HS3ST4: variants seen among roughly 807,000 people sequenced by gnomAD.
HS3ST4 encodes heparan sulfate glucosamine 3-O-sulfotransferase 4.
A neutral mutation model predicts 29.2 loss-of-function variants in HS3ST4; 17 were observed. The observed-to-expected ratio is 0.58, with a 90% CI of 0.40 to 0.87. The LOEUF (loss-of-function observed/expected upper bound fraction) is 0.87, where lower values mean the gene tolerates loss of function less well. HS3ST4 is among the 40% of genes least tolerant of loss of function. The pLI is 0.00. For missense variants in HS3ST4, 627 were observed against 634.5 expected (o/e 0.99, Z 0.13); for synonymous variants, 314 against 285.7 (o/e 1.10, Z -1.00).
intron 1 of HS3ST4, among the ~76,000 whole-genome samples, chr16:25,835,838 A>G (rs1967350863): frequency 1.3e-5 from 2 of 152,176 alleles, no homozygotes; most frequent in African/African-American, 2.4e-5. Flanking sequence ...TGTTTTAACC[A>G]TCTCTATAAA....
intron 1 of HS3ST4, among the ~76,000 whole-genome samples, chr16:25,837,353 G>C (rs866231742): frequency 3.9e-5 from 6 of 152,170 alleles, no homozygotes; most frequent in African/African-American, 1.2e-4. Context: ...GACTCAGGGG[G>C]AAGTGTTTTT....
intron 1 of HS3ST4, among the ~76,000 whole-genome samples, chr16:26,048,010 C>T (rs906335258): frequency 4.6e-5 from 7 of 152,154 alleles, no homozygotes; most frequent in African/African-American, 1.7e-4. Flanking sequence ...GGCAGCACTG[C>T]AGAGCCTGGA....
chr16:25,795,863 T>G (rs1434649947), intron 1 of HS3ST4, among the ~76,000 whole-genome samples: 2 of 152,196 alleles, frequency 1.3e-5, no homozygotes, highest in African/African-American at 2.4e-5. Context: ...TTAGGCCTTG[T>G]GATATTTCCT....
intron 1 of HS3ST4, among the ~76,000 whole-genome samples, chr16:26,033,522 A>C (rs1345158397): frequency 1.3e-5 from 2 of 151,710 alleles, no homozygotes; most frequent in Non-Finnish European, 2.9e-5. Flanking sequence ...CTCAAAAAAA[A>C]AAAAAAAAGG....
At chr16:25,957,289 G>A (rs1356509507) in intron 1 of HS3ST4, among the ~76,000 whole-genome samples, 1 of 152,164 alleles carries the variant, frequency 6.6e-6, no homozygotes, top group East Asian at 1.9e-4. Context: ...CCTCTTCTCT[G>A]GCAAAGGCCT....
chr16:25,838,395 CAT>C (rs1185171254), intron 1 of HS3ST4, among the ~76,000 whole-genome samples: 2 of 152,178 alleles, frequency 1.3e-5, no homozygotes, highest in East Asian at 3.9e-4. Context: ...ATTTGTCAGA[CAT>C]ATGTGGCTGG....
chr16:25,777,811 T>C (rs1295342675), intron 1 of HS3ST4, among the ~76,000 whole-genome samples: 7 of 152,018 alleles, frequency 4.6e-5, no homozygotes, highest in Admixed American at 1.3e-4. Context: ...AAAAGAAATA[T>C]GTTGTACTGA....
intron 1 of HS3ST4, among the ~76,000 whole-genome samples, chr16:25,776,356 T>G (rs1966847523): frequency 6.6e-6 from 1 of 152,194 alleles, no homozygotes. Flanking sequence ...TAAATGGATA[T>G]CTGATTGCCT....
chr16:25,923,343 T>C (rs11639660), intron 1 of HS3ST4, among the ~76,000 whole-genome samples: 43,791 of 152,140 alleles, frequency 0.29, 7,483 homozygotes, highest in Non-Finnish European at 0.4. Flanking sequence ...TCAGCCAAGA[T>C]TGCCTTATTC....
At chr16:26,057,915 G>C (rs1898429020) in intron 1 of HS3ST4, among the ~76,000 whole-genome samples, 1 of 152,102 alleles carries the variant, frequency 6.6e-6, no homozygotes. Flanking sequence ...TGTATTACGG[G>C]AGTTTCAGGA....
At chr16:26,018,690 A>T (rs1969383424) in intron 1 of HS3ST4, among the ~76,000 whole-genome samples, 1 of 152,170 alleles carries the variant, frequency 6.6e-6, no homozygotes, top group African/African-American at 2.4e-5. Context: ...TACACCAAGG[A>T]TCACAAGCAG....
intron 1 of HS3ST4, among the ~76,000 whole-genome samples, chr16:26,128,856 G>A (rs1405161389): frequency 6.6e-6 from 1 of 151,512 alleles, no homozygotes; most frequent in Non-Finnish European, 1.5e-5. Flanking sequence ...TTTCTTCTGT[G>A]CAGGGGAACT....
chr16:25,854,722 G>A (rs912591904), intron 1 of HS3ST4, among the ~76,000 whole-genome samples: 44 of 150,736 alleles, frequency 2.9e-4, no homozygotes, highest in African/African-American at 9.8e-4. Context: ...GGCTCTTTCC[G>A]TTATAATCCA....
rs186093843 is a variant in HS3ST4 at position 25,707,971 on chromosome 16, A to G, written c.734+14820A>G. ...TTGGAAAATGCTGGTGAACAGTGTC[A>G]TCATTGACATATGCCTGTATTCCAT... On this transcript the variant is annotated intron_variant, in intron 1 of 1. Coordinates refer to ENST00000331351, the MANE Select transcript of HS3ST4 (RefSeq NM_006040.3). Among the ~76,000 whole-genome samples the G allele has an allele frequency of 3.0e-3, 456 of 152,342 alleles. 4 individuals carry two copies. The highest frequency in any genetic ancestry group is 0.01 in the African/African-American group (432 of 41,578).
chr16:25,783,081 T>A (rs578172822), intron 1 of HS3ST4, among the ~76,000 whole-genome samples: 2 of 152,352 alleles, frequency 1.3e-5, no homozygotes, highest in East Asian at 1.9e-4. Flanking sequence ...ATGTAGCCAA[T>A]CTGCCTGGCT....
At chr16:25,909,591 C>T (rs534171482) in intron 1 of HS3ST4, among the ~76,000 whole-genome samples, 2 of 150,662 alleles carry the variant, frequency 1.3e-5, no homozygotes, top group African/African-American at 4.9e-5. Context: ...GGGAACATAG[C>T]CTGCCATCTA....
At chr16:26,129,090 T>C (rs1287961726) in intron 1 of HS3ST4, among the ~76,000 whole-genome samples, 5 of 152,188 alleles carry the variant, frequency 3.3e-5, no homozygotes, top group Non-Finnish European at 5.9e-5. Flanking sequence ...GGGTGATTGC[T>C]TTCTCCTTCG....
At chr16:25,780,679 T>C (rs923914181) in intron 1 of HS3ST4, among the ~76,000 whole-genome samples, 1 of 152,168 alleles carries the variant, frequency 6.6e-6, no homozygotes, top group Non-Finnish European at 1.5e-5. Context: ...ATCTGTTGTG[T>C]TGGTAAATTG....
intron 1 of HS3ST4, among the ~76,000 whole-genome samples, chr16:26,060,094 A>G (rs1297858512): frequency 6.6e-6 from 1 of 152,018 alleles, no homozygotes; most frequent in East Asian, 1.9e-4. Flanking sequence ...TATTATTTTT[A>G]CTTGTGATTG....
Sources: allele counts gnomAD v4.1 joint callset (sites outside exome capture counted in the v4.1 genomes callset), GRCh38; gene constraint gnomAD v4.1.1; transcripts MANE v1.5; gene names NCBI Gene and HGNC (gene_info 2026-07-23, HGNC 2026-07-21).